Variants in USP48 observed in about 807,000 individuals in gnomAD.
The protein encoded by USP48 is ubiquitin specific peptidase 48, also known as ubiquitin carboxyl-terminal hydrolase 48.
USP48 carries 43 observed loss-of-function variants against 150.7 expected under a neutral mutation model. The ratio of observed to expected loss-of-function variants is 0.29; its 90% CI spans 0.22 to 0.37. The LOEUF (loss-of-function observed/expected upper bound fraction) is 0.37, where lower values mean the gene tolerates loss of function less well. Among genes scored for constraint, USP48 ranks in the 10% least tolerant of loss-of-function variants. The pLI is 1.00. For missense variants in USP48, 813 were observed against 1,249.6 expected (o/e 0.65, Z 5.27); for synonymous variants, 396 against 425.9 (o/e 0.93, Z 0.86).
chr1:21,727,604 T>C (rs888039331), intron 11 of USP48, among the ~76,000 whole-genome samples: 1 of 152,180 alleles, frequency 6.6e-6, no homozygotes, highest in Non-Finnish European at 1.5e-5. Flanking sequence ...GACCTATAAA[T>C]TTAGAGATCT....
chr1:21,684,162 C>T (rs2097574464), intron 25 of USP48, among the ~76,000 whole-genome samples: 1 of 152,154 alleles, frequency 6.6e-6, no homozygotes, highest in Non-Finnish European at 1.5e-5. Flanking sequence ...AGTGGGATTG[C>T]TGGATCATAT....
intron 23 of USP48, among the ~76,000 whole-genome samples, chr1:21,694,587 AAAAAAAAAAAAAAAAAAAAAC>A (rs1435852525): frequency 1.4e-4 from 18 of 127,244 alleles, no homozygotes; most frequent in Middle Eastern, 3.5e-3. Flanking sequence ...AAAAAAAAAA[AAAAAAAAAAAAAAAAAAAAAC>A]CCCCTCTATC....
At chr1:21,735,833 A>G (rs1444346142) in intron 9 of USP48, among the ~76,000 whole-genome samples, 1 of 150,766 alleles carries the variant, frequency 6.6e-6, no homozygotes, top group African/African-American at 2.4e-5. Context: ...GTTTACAGTG[A>G]GCCGAAATCT....
intron 1 of USP48, among the ~76,000 whole-genome samples, chr1:21,767,766 A>G (rs2097865943): frequency 6.6e-6 from 1 of 152,232 alleles, no homozygotes; most frequent in Non-Finnish European, 1.5e-5. Context: ...ACTAAAGTAC[A>G]GATTTTCCTG....
intron 14 of USP48, among the ~76,000 whole-genome samples, chr1:21,716,591 T>A (rs184340257): frequency 6.6e-6 from 1 of 152,366 alleles, no homozygotes; most frequent in African/African-American, 2.4e-5. Flanking sequence ...TGGACCACTA[T>A]ATAATAAAAA....
Position 21,723,973 on chromosome 1 carries a change from A to G in USP48, c.1573T>C (p.Ser525Pro), listed in dbSNP as rs145929456. 6.2e-7 allele frequency: 1 copy of G among 1,613,966 alleles called. No individual in the cohort carries two copies. Among genetic ancestry groups the G allele is most frequent in the African/African-American group, 1.3e-5 (1 of 74,884 alleles). Residue 525 changes from serine (S) to proline (P), a missense_variant, in exon 12 of 27, where the codon TCA becomes CCA. Physicochemically the swap from Ser to Pro is moderately conservative, Grantham distance 74. Transcript: ENST00000308271. The part of the protein sequence containing the change: ...SHDKLHPDKI[S>P]IMKRISEYAA... ...TATTCAGATATCCTCTTCATAATTG[A>G]TATTTTATCCGGGTGAAGCTTGTCA... is the stretch of plus-strand genomic sequence containing the variant.
At chr1:21,753,144 G>A (rs1422126983) in intron 3 of USP48, 25 bp from the exon 4 acceptor site, 1 of 1,582,764 alleles carries the variant, frequency 6.3e-7, no homozygotes, top group East Asian at 2.3e-5. Context: ...ATATAGATTT[G>A]GGGTTTTTTA....
Position 21,687,176 on chromosome 1 carries a change from C to T in USP48, c.3058+15G>A. On this transcript the variant is annotated intron_variant, in intron 25 of 26. Transcript: ENST00000308271. The stretch of plus-strand genomic sequence containing the variant: ...AAACCTAATCAGCAGATTCCTAAAA[C>T]AAATTCATCTTTACCTTGCATGACA... 1 of 1,611,252 alleles carries T rather than the reference C, an allele frequency of 6.2e-7. No individual in the cohort carries two copies. Among genetic ancestry groups the T allele is most frequent in the Non-Finnish European group, 8.5e-7 (1 of 1,178,316 alleles).
At position 21,759,097 on chromosome 1, in the gene USP48, G is replaced by C. The variant is rs2097843830; in HGVS notation, c.135-1314C>G. 2.1e-5 allele frequency among the ~76,000 whole-genome samples: 3 copies of C among 142,184 alleles called. No homozygotes were observed. The South Asian group carries it at 6.7e-4, about 32-fold the overall frequency. 93.3% of individuals were successfully genotyped at this position (142,184 alleles called of 152,430 possible). A position where few individuals can be genotyped will look rare whatever the true frequency, so the allele number is the denominator to read the frequency against. ...GACTGGAGGCTGATGCAGGAGAATT[G>C]CTTGAACCCAGGAGGCGGAGGTTGC... On this transcript the variant is annotated intron_variant, in intron 1 of 26. Transcript: ENST00000308271.
intron 9 of USP48, chr1:21,732,922 T>C (rs959938844): frequency 6.5e-6 from 1 of 154,972 alleles, no homozygotes; most frequent in Non-Finnish European, 1.4e-5. Flanking sequence ...TATGATGAAA[T>C]TTGTTAGATT....
chr1:21,778,665 C>T, intron 1 of USP48, among the ~76,000 whole-genome samples: 1 of 147,944 alleles, frequency 6.8e-6, no homozygotes, highest in African/African-American at 2.5e-5. Flanking sequence ...GCAATCCAAG[C>T]ATTTCAGGGG....
intron 3 of USP48, 52 bp downstream of exon 3, chr1:21,756,494 A>C: frequency 6.9e-7 from 1 of 1,448,742 alleles, no homozygotes; most frequent in South Asian, 1.3e-5. Context: ...AAAAAAAAAA[A>C]GTTTAAAAAA....
intron 9 of USP48, chr1:21,732,721 A>C: frequency 2.9e-6 from 1 of 340,724 alleles, no homozygotes; most frequent in Non-Finnish European, 5.7e-6. Context: ...GTAGTACAGA[A>C]GAAAATAGAA....
At position 21,690,076 on chromosome 1, in the gene USP48, A is replaced by T. The variant is rs1436326925; in HGVS notation, c.2907T>A (p.Ala969=). ...CAATTGACAAATTCTGGTCAAAAGG[A>T]GCAACTGAAAATGCATGCATGATCT... The part of the protein sequence containing the change: ...KIQIMHAFSV[A]PFDQNLSIDG... Residue 969 remains alanine (A), a synonymous_variant, in exon 24 of 27, where the codon GCT becomes GCA. Transcript: ENST00000308271. 1.9e-6 allele frequency: 3 copies of T among 1,614,044 alleles called. No homozygotes were observed. Among genetic ancestry groups the T allele is most frequent in the Non-Finnish European group, 2.5e-6 (3 of 1,179,958 alleles).
intron 15 of USP48, among the ~76,000 whole-genome samples, chr1:21,711,495 G>A (rs1460267795): frequency 6.6e-6 from 1 of 152,194 alleles, no homozygotes; most frequent in Admixed American, 6.5e-5. Context: ...GTGACAAGCT[G>A]AGACAGGGAT....
intron 15 of USP48, among the ~76,000 whole-genome samples, chr1:21,711,010 T>C (rs1051817392): frequency 1.3e-5 from 2 of 152,046 alleles, no homozygotes; most frequent in African/African-American, 2.4e-5. Context: ...GGTCTCACTA[T>C]GTTGCCCAGG....
At chr1:21,770,181 A>G (rs1441243986) in intron 1 of USP48, among the ~76,000 whole-genome samples, 3 of 151,244 alleles carry the variant, frequency 2.0e-5, no homozygotes, top group Non-Finnish European at 2.9e-5. Context: ...AAAAAATTGT[A>G]CAGCACTAGA....
intron 1 of USP48, among the ~76,000 whole-genome samples, chr1:21,772,841 G>A (rs902865514): frequency 8.0e-5 from 12 of 150,300 alleles, no homozygotes; most frequent in South Asian, 2.1e-4. Flanking sequence ...AGAATAGCTC[G>A]AATCTGGGAG....
intron 22 of USP48, among the ~76,000 whole-genome samples, chr1:21,698,820 C>T (rs922759469): frequency 4.6e-5 from 7 of 151,876 alleles, no homozygotes; most frequent in South Asian, 2.1e-4. Flanking sequence ...GCTTGAACCT[C>T]GGAGGCGGAG....
Sources: allele counts gnomAD v4.1 joint callset (sites outside exome capture counted in the v4.1 genomes callset), GRCh38; gene constraint gnomAD v4.1.1; transcripts MANE v1.5; gene names NCBI Gene and HGNC (gene_info 2026-07-23, HGNC 2026-07-21).